The following CSE1L variants were observed in gnomAD, a reference collection of about 807,000 sequenced individuals.
The protein encoded by CSE1L is chromosome segregation 1 like.
Under a neutral mutation model 120.4 loss-of-function variants are expected in CSE1L, and 24 were observed. That is an observed-to-expected ratio of 0.20 (90% CI 0.14 to 0.28). The LOEUF (loss-of-function observed/expected upper bound fraction) is 0.28. Ranked by LOEUF, CSE1L falls within the 10% of genes least tolerant of loss-of-function variation. The pLI, the probability that CSE1L is intolerant of heterozygous loss-of-function variation, is 1.00. For synonymous variants in CSE1L, 402 were observed against 398.3 expected, an observed-to-expected ratio of 1.01 and a Z score of -0.11; for missense variants, 830 against 1,145.2, an observed-to-expected ratio of 0.72 and a Z score of 3.97.
At chr20:49,046,483 G>C (rs1480508798) in intron 1 of CSE1L, 60 bp downstream of exon 1, 1 of 152,414 alleles carries the variant, frequency 6.6e-6, no homozygotes, top group East Asian at 1.9e-4. Flanking sequence ...CTGAGGAAGG[G>C]ATGAGGCGCT....
rs2091826590 is a variant in CSE1L, at chr20:49,058,481, A to G, written c.18A>G (p.Ala6=). MELSD[A]NLQTLTEYLK... Reference sequence around the variant, plus strand: ...CTATAGCAATGGAACTCAGCGATGCAAATCTGCAAACACTAACAGAATATT... The same window carrying G: ...CTATAGCAATGGAACTCAGCGATGCGAATCTGCAAACACTAACAGAATATT... Residue 6 remains alanine (A), a synonymous_variant, in exon 2 of 25, where the codon GCA becomes GCG. Transcript: ENST00000262982. The G allele has an allele frequency of 1.9e-6, 3 of 1,613,668 alleles. No individual in the cohort carries two copies. The highest frequency in any genetic ancestry group is 2.5e-6 in the Non-Finnish European group (3 of 1,179,706).
Position 49,084,173 on chromosome 20 carries a change from TA to T in CSE1L, c.1619+12del, listed in dbSNP as rs1046105188. ...TAACAATGCCACTCTGTGAGTATTT[TA>T]TTCTAAAGTTTTTTAGCCTGGGGTA... On this transcript the variant is annotated intron_variant, in intron 15 of 24. Transcript: ENST00000262982. The T allele has an allele frequency of 2.5e-6, 4 of 1,613,344 alleles. No homozygotes were observed. Among genetic ancestry groups the T allele is most frequent in the Non-Finnish European group, 3.4e-6 (4 of 1,179,526 alleles).
intron 22 of CSE1L, among the ~76,000 whole-genome samples, chr20:49,093,564 C>CTTTTTTTTTTTTTTTTTTTTTT (rs11477256): frequency 8.5e-6 from 1 of 117,586 alleles, no homozygotes; most frequent in Non-Finnish European, 1.7e-5. Context: ...GCTCCTCTCT[C>CTTTTTTTTTTTTTTTTTTTTTT]TTTTTTTTTT....
intron 10 of CSE1L, among the ~76,000 whole-genome samples, chr20:49,073,102 C>T (rs1424207786): frequency 6.6e-6 from 1 of 152,034 alleles, no homozygotes; most frequent in Admixed American, 6.6e-5. Context: ...ACCTTAGCCT[C>T]CCAGGCTCAA....
chr20:49,046,755 C>T (rs2091714507), intron 1 of CSE1L, among the ~76,000 whole-genome samples: 1 of 152,244 alleles, frequency 6.6e-6, no homozygotes, highest in South Asian at 2.1e-4. Context: ...ATTGGCTGCG[C>T]CGCCGCCTCT....
At chr20:49,066,589 C>A in intron 5 of CSE1L, 79 bp downstream of exon 5, 1 of 1,282,404 alleles carries the variant, frequency 7.8e-7, no homozygotes, top group Non-Finnish European at 1.1e-6. Flanking sequence ...GTTTTTGTGA[C>A]TGTTGTCATT....
chr20:49,096,446 T>C lies in CSE1L; in HGVS notation c.*8T>C. 1 of 1,604,968 alleles carries C rather than the reference T, an allele frequency of 6.2e-7. No homozygotes were observed. On this transcript the variant is annotated 3_prime_UTR_variant, in exon 25 of 25. Coordinates refer to ENST00000262982, the MANE Select transcript of CSE1L (RefSeq NM_001316.4). ...AGTGTGACACTGCTTTAAACTGCAT[T>C]TTTCTAATGGGCTAAACCCAGATGG...
Position 49,067,195 on chromosome 20 carries a change from G to T in CSE1L, c.482G>T (p.Arg161Leu). The T allele has an allele frequency of 6.2e-7, 1 of 1,600,914 alleles. No homozygotes were observed. ...RTAHSLFKRYRHEFKSNELWT... is the reference protein window; with the variant it reads ...RTAHSLFKRYLHEFKSNELWT... Reference sequence around the variant, plus strand: ...GTTTTACCTTAATTTTCTAGATACCGTCATGAATTTAAGTCAAACGAGTTA... The same window carrying T: ...GTTTTACCTTAATTTTCTAGATACCTTCATGAATTTAAGTCAAACGAGTTA... Residue 161 changes from arginine to leucine, a missense_variant, in exon 6 of 25, where the codon CGT (arginine) becomes CTT (leucine). Physicochemically the swap from Arg to Leu is moderately radical, Grantham distance 102. Coordinates refer to ENST00000262982, the MANE Select transcript of CSE1L (RefSeq NM_001316.4).
Position 49,076,853 on chromosome 20 carries a change from A to C in CSE1L, c.1336-127A>C. The C allele has an allele frequency of 1.4e-5, 8 of 586,224 alleles. No individual in the cohort carries two copies. The South Asian group carries it at 1.8e-4, about 13-fold the overall frequency. 36.3% of individuals were successfully genotyped at this position (586,224 alleles called of 1,614,324 possible). The stretch of plus-strand genomic sequence containing the variant: ...GCCAGTACAGTCTCATTTTATACAT[A>C]AGCAATTTGTATTTTGAAGTGTTCA... On this transcript the variant is annotated intron_variant, in intron 12 of 24. Coordinates refer to ENST00000262982, the MANE Select transcript of CSE1L (RefSeq NM_001316.4).
intron 3 of CSE1L, among the ~76,000 whole-genome samples, chr20:49,065,102 T>C (rs1174715890): frequency 6.7e-6 from 1 of 149,410 alleles, no homozygotes; most frequent in African/African-American, 2.5e-5. Flanking sequence ...AAGGCTGCAG[T>C]GAGCCAAGGT....
intron 1 of CSE1L, among the ~76,000 whole-genome samples, chr20:49,049,346 A>G (rs1307643687): frequency 5.3e-5 from 8 of 151,622 alleles, no homozygotes; most frequent in Admixed American, 2.0e-4. Context: ...ACCACACTCA[A>G]CTAATTTTTA....
intron 2 of CSE1L, among the ~76,000 whole-genome samples, chr20:49,059,798 T>C (rs1472563131): frequency 6.6e-6 from 1 of 151,994 alleles, no homozygotes; most frequent in Admixed American, 6.6e-5. Flanking sequence ...GAGAATTGCT[T>C]GAACCTGGGA....
At chr20:49,069,594 C>G (rs1298117393) in intron 7 of CSE1L, among the ~76,000 whole-genome samples, 1 of 152,042 alleles carries the variant, frequency 6.6e-6, no homozygotes, top group Non-Finnish European at 1.5e-5. Flanking sequence ...GATGAACAGC[C>G]CAAAAGGACA....
At chr20:49,086,274 GA>G (rs2092056406) in intron 16 of CSE1L, among the ~76,000 whole-genome samples, 1 of 151,842 alleles carries the variant, frequency 6.6e-6, no homozygotes, top group African/African-American at 2.4e-5. Context: ...TCCTAGAGTG[GA>G]TGTGTGTATC....
intron 14 of CSE1L, among the ~76,000 whole-genome samples, chr20:49,081,277 C>T (rs1307235790): frequency 2.6e-5 from 4 of 152,116 alleles, no homozygotes; most frequent in South Asian, 4.1e-4. Context: ...TGAGCTACCA[C>T]GCCCGGCCCA....
chr20:49,079,866 G>C (rs561611019), intron 14 of CSE1L, among the ~76,000 whole-genome samples: 3 of 152,258 alleles, frequency 2.0e-5, no homozygotes, highest in African/African-American at 7.2e-5. Flanking sequence ...GATCATTTGA[G>C]GTCAGGAGTT....
intron 1 of CSE1L, among the ~76,000 whole-genome samples, chr20:49,053,392 CTT>C (rs1188292181): frequency 1.1e-5 from 1 of 87,520 alleles, no homozygotes; most frequent in Non-Finnish European, 2.0e-5. Flanking sequence ...GCGTTTCTCT[CTT>C]GTTGCCCAGG....
At chr20:49,070,150 AAG>A (rs2091921837) in intron 7 of CSE1L, 53 bp from the exon 8 acceptor site, 1 of 810,568 alleles carries the variant, frequency 1.2e-6, no homozygotes, top group African/African-American at 1.8e-5. Context: ...GAACTTATAA[AAG>A]TGGTGTTCTT....
chr20:49,086,468 C>T (rs550627108), intron 16 of CSE1L, among the ~76,000 whole-genome samples: 44 of 140,604 alleles, frequency 3.1e-4, no homozygotes, highest in African/African-American at 1.2e-3. Flanking sequence ...TGGGTTCAAG[C>T]GATTCGCCTG....
Sources: allele counts gnomAD v4.1 joint callset (sites outside exome capture counted in the v4.1 genomes callset), GRCh38; gene constraint gnomAD v4.1.1; transcripts MANE v1.5; gene names NCBI Gene and HGNC (gene_info 2026-07-23, HGNC 2026-07-21).